ATP10B: variants seen among roughly 807,000 people sequenced by gnomAD.
The protein encoded by ATP10B is ATPase phospholipid transporting 10B (putative).
A neutral mutation model predicts 141.2 loss-of-function variants in ATP10B; 122 were observed. The observed-to-expected ratio is 0.86, with a 90% CI of 0.75 to 1.00. ATP10B has a LOEUF of 1.00. ATP10B is among the 50% of genes least tolerant of loss of function. The pLI is 0.00. For missense variants in ATP10B, 1,876 were observed against 1,825.3 expected (o/e 1.03, Z -0.51); for synonymous variants, 685 against 692.0 (o/e 0.99, Z 0.16).
chr5:160,818,372 T>G (rs1014094504), intron 1 of ATP10B, among the ~76,000 whole-genome samples: 1 of 152,126 alleles, frequency 6.6e-6, no homozygotes, highest in Admixed American at 6.5e-5. Flanking sequence ...AAGAAGACAT[T>G]GATGCAGCCA....
At chr5:160,751,720 A>G (rs1289766107) in intron 2 of ATP10B, among the ~76,000 whole-genome samples, 1 of 152,170 alleles carries the variant, frequency 6.6e-6, no homozygotes, top group African/African-American at 2.4e-5. Context: ...AAAGCTTGGC[A>G]GGAGGAATTG....
intron 1 of ATP10B, among the ~76,000 whole-genome samples, chr5:160,830,183 A>G (rs1581617832): frequency 1.3e-5 from 2 of 152,152 alleles, no homozygotes; most frequent in Admixed American, 1.3e-4. Context: ...GCTTTTCTGC[A>G]TCTATCGAGG....
intron 2 of ATP10B, among the ~76,000 whole-genome samples, chr5:160,747,195 GAC>G (rs1561811931): frequency 6.6e-6 from 1 of 152,094 alleles, no homozygotes; most frequent in African/African-American, 2.4e-5. Context: ...CAGGCTAAAG[GAC>G]AGTCACCATT....
intron 6 of ATP10B, among the ~76,000 whole-genome samples, chr5:160,681,620 C>T (rs1388500061): frequency 2.0e-5 from 3 of 152,102 alleles, no homozygotes; most frequent in African/African-American, 7.2e-5. Context: ...CCACTGCCCA[C>T]CTCAAAAAAG....
upstream of ATP10B, among the ~76,000 whole-genome samples, chr5:160,856,698 G>T (rs1343211830): frequency 2.0e-5 from 3 of 151,762 alleles, no homozygotes; most frequent in African/African-American, 7.2e-5. Context: ...GTATGTAGAT[G>T]ATTTGAGTTG....
intron 24 of ATP10B, among the ~76,000 whole-genome samples, chr5:160,587,757 T>A (rs1275160540): frequency 6.6e-6 from 1 of 152,244 alleles, no homozygotes; most frequent in Non-Finnish European, 1.5e-5. Context: ...TAGGAATGCT[T>A]ATGATTTTTG....
chr5:160,852,463 T>A (rs1218628968), upstream of ATP10B, among the ~76,000 whole-genome samples: 1 of 152,286 alleles, frequency 6.6e-6, no homozygotes, highest in South Asian at 2.1e-4. Context: ...CTTGCAGTTC[T>A]CTTTGGGGGG....
the ATP10B span, among the ~76,000 whole-genome samples, chr5:160,895,079 G>A: frequency 1.3e-5 from 2 of 152,102 alleles, no homozygotes; most frequent in Non-Finnish European, 2.9e-5. Context: ...AGTAACAACC[G>A]GTACCAGCCA....
chr5:160,592,355 T>A (rs1671199589), intron 22 of ATP10B, among the ~76,000 whole-genome samples: 1 of 152,104 alleles, frequency 6.6e-6, no homozygotes, highest in Non-Finnish European at 1.5e-5. Context: ...AGGTATAGGA[T>A]CCTTCTGCAT....
At chr5:160,807,581 G>A (rs1772864948) in intron 1 of ATP10B, among the ~76,000 whole-genome samples, 1 of 151,970 alleles carries the variant, frequency 6.6e-6, no homozygotes, top group South Asian at 2.1e-4. Flanking sequence ...TTAACTCAAG[G>A]GTAGACAAAC....
the ATP10B span, among the ~76,000 whole-genome samples, chr5:160,910,511 T>A: frequency 1.2e-4 from 18 of 152,176 alleles, no homozygotes; most frequent in Admixed American, 1.2e-3. Context: ...GCCAACTGAA[T>A]AATAAAAATA....
At chr5:160,864,543 T>C in the ATP10B span, among the ~76,000 whole-genome samples, 11 of 151,872 alleles carry the variant, frequency 7.2e-5, no homozygotes, top group Non-Finnish European at 2.9e-5. Flanking sequence ...TCATTACTTC[T>C]ATTCGACATA....
At position 160,578,599 on chromosome 5, in the gene ATP10B, G is replaced by A. The variant is rs546065796; in HGVS notation, c.3751-8916C>T. Reference sequence around the variant, plus strand: ...TCTTTATCCAGTCTATCATTGGTGGGCATTTGGGTTGGTTCCAAGTCTTTG... The same window carrying A: ...TCTTTATCCAGTCTATCATTGGTGGACATTTGGGTTGGTTCCAAGTCTTTG... On this transcript the variant is annotated intron_variant, in intron 24 of 25. Coordinates refer to ENST00000327245, the MANE Select transcript of ATP10B (RefSeq NM_025153.3). Among the ~76,000 whole-genome samples, 8 of 152,138 alleles carry A rather than the reference G, an allele frequency of 5.3e-5. No homozygotes were observed. In the South Asian group the frequency reaches 1.5e-3, roughly 28 times the overall value.
chr5:160,577,554 C>T (rs1170324721), intron 24 of ATP10B, among the ~76,000 whole-genome samples: 2 of 152,140 alleles, frequency 1.3e-5, no homozygotes, highest in African/African-American at 2.4e-5. Context: ...GAGAGCACCG[C>T]GTCCTAGGGG....
At chr5:160,794,076 A>G (rs1417472990) in intron 1 of ATP10B, among the ~76,000 whole-genome samples, 1 of 152,162 alleles carries the variant, frequency 6.6e-6, no homozygotes, top group Non-Finnish European at 1.5e-5. Context: ...TGTGACTGTA[A>G]TTTTTTTATG....
At chr5:160,690,906 C>G (rs990568022) in intron 3 of ATP10B, among the ~76,000 whole-genome samples, 1 of 152,270 alleles carries the variant, frequency 6.6e-6, no homozygotes, top group East Asian at 1.9e-4. Context: ...CACATGCACA[C>G]GTATCTTTAT....
At chr5:160,605,263 T>C (rs1757316106) in intron 19 of ATP10B, among the ~76,000 whole-genome samples, 1 of 152,230 alleles carries the variant, frequency 6.6e-6, no homozygotes, top group Non-Finnish European at 1.5e-5. Context: ...ATGATTCTTC[T>C]AGTTATCTGA....
the ATP10B span, among the ~76,000 whole-genome samples, chr5:160,915,541 A>G: frequency 6.6e-6 from 1 of 152,172 alleles, no homozygotes. Context: ...CGTGTTGGCC[A>G]GGCTGTTCTT....
chr5:160,820,729 G>A (rs1162297575), intron 1 of ATP10B, among the ~76,000 whole-genome samples: 2 of 152,024 alleles, frequency 1.3e-5, no homozygotes, highest in East Asian at 1.9e-4. Flanking sequence ...ATGCAAGGAT[G>A]GTTCAACATA....
Sources: gnomAD v4.1 joint callset for allele counts (sites outside exome capture counted in the v4.1 genomes callset) on GRCh38, gnomAD v4.1.1 for gene constraint, MANE v1.5 for transcripts, NCBI Gene and HGNC (gene_info 2026-07-23, HGNC 2026-07-21) for gene names.